KCNIP4: variants seen among roughly 807,000 people sequenced by gnomAD.
KCNIP4 encodes Kv channel-interacting protein 4.
In KCNIP4, 12 loss-of-function variants were observed where a neutral mutation model predicts 34.0. The ratio of observed to expected loss-of-function variants is 0.35; its 90% confidence interval spans 0.23 to 0.57. The LOEUF is 0.57. KCNIP4 is among the 20% of genes least tolerant of loss of function. The probability of loss-of-function intolerance (pLI) is 0.83; values close to 1 mark genes in which losing one functional copy is unlikely to be tolerated. For missense variants in KCNIP4, 238 were observed against 311.7 expected (o/e 0.76, Z 1.78); for synonymous variants, 124 against 102.2 (o/e 1.21, Z -1.29).
At chr4:21,028,151 A>G (rs1386985814) in intron 1 of KCNIP4, among the ~76,000 whole-genome samples, 1 of 151,812 alleles carries the variant, frequency 6.6e-6, no homozygotes, top group East Asian at 1.9e-4. Flanking sequence ...CATATCCAGA[A>G]CCTCACCATC....
intron 1 of KCNIP4, among the ~76,000 whole-genome samples, chr4:21,395,382 TTGTC>T (rs1205062951): frequency 6.6e-6 from 1 of 152,142 alleles, no homozygotes; most frequent in East Asian, 1.9e-4. Flanking sequence ...AAAAATCTAT[TTGTC>T]TTTCCTAAAT....
At chr4:20,905,475 T>C (rs1328102321) in intron 1 of KCNIP4, among the ~76,000 whole-genome samples, 1 of 150,556 alleles carries the variant, frequency 6.6e-6, no homozygotes, top group Non-Finnish European at 1.5e-5. Flanking sequence ...ATTATTGGTA[T>C]TTAATATTAC....
At chr4:21,721,611 T>A (rs116019458) in intron 1 of KCNIP4, among the ~76,000 whole-genome samples, 1 of 152,158 alleles carries the variant, frequency 6.6e-6, no homozygotes. Flanking sequence ...TATATCAGAG[T>A]TGAAGTTCTT....
intron 1 of KCNIP4, among the ~76,000 whole-genome samples, chr4:21,430,301 G>A (rs1577348015): frequency 6.6e-6 from 1 of 151,884 alleles, no homozygotes; most frequent in African/African-American, 2.4e-5. Flanking sequence ...AGTGATAACG[G>A]CTTTTACAAA....
At chr4:21,947,132 C>T (rs918255762) in intron 1 of KCNIP4, among the ~76,000 whole-genome samples, 5 of 152,148 alleles carry the variant, frequency 3.3e-5, no homozygotes, top group African/African-American at 1.2e-4. Context: ...AATAGGACAG[C>T]GCTAGCCCTC....
chr4:21,784,738 A>C (rs965755722), intron 1 of KCNIP4, among the ~76,000 whole-genome samples: 1 of 152,234 alleles, frequency 6.6e-6, no homozygotes, highest in Non-Finnish European at 1.5e-5. Flanking sequence ...AGAATTTACC[A>C]TCAAAGAGTA....
At chr4:20,779,075 AG>A (rs1240026960) in intron 3 of KCNIP4, among the ~76,000 whole-genome samples, 2 of 152,188 alleles carry the variant, frequency 1.3e-5, no homozygotes, top group Non-Finnish European at 2.9e-5. Flanking sequence ...TGAAAACACT[AG>A]GGAAATGGAA....
chr4:21,189,198 T>C (rs1206297319), intron 1 of KCNIP4, among the ~76,000 whole-genome samples: 3 of 152,226 alleles, frequency 2.0e-5, no homozygotes, highest in African/African-American at 4.8e-5. Flanking sequence ...GATTACTGTA[T>C]AGTGGATACA....
chr4:21,647,436 G>T (rs1425484179), intron 1 of KCNIP4, among the ~76,000 whole-genome samples: 4 of 152,058 alleles, frequency 2.6e-5, no homozygotes, highest in African/African-American at 9.7e-5. Flanking sequence ...GAAGGCAGGG[G>T]TGGGCACTGG....
At chr4:21,653,353 T>C (rs1021861) in intron 1 of KCNIP4, among the ~76,000 whole-genome samples, 51,061 of 152,004 alleles carry the variant, frequency 0.34, 10,257 homozygotes, top group East Asian at 0.91. Flanking sequence ...ACAGATCCTG[T>C]TTCACAGGAT....
chr4:20,785,588 A>C (rs1263171882), intron 3 of KCNIP4, among the ~76,000 whole-genome samples: 1 of 152,140 alleles, frequency 6.6e-6, no homozygotes, highest in African/African-American at 2.4e-5. Context: ...TTCTAAGATC[A>C]GTGATGCTAT....
rs34394636 is a variant in KCNIP4, at chr4:21,204,177, A to ATT, written c.62-321470_62-321469dup. 8.7e-3 allele frequency among the ~76,000 whole-genome samples: 1,309 copies of ATT among 150,434 alleles called. 9 individuals carry two copies. The highest frequency in any genetic ancestry group is 0.012 in the Non-Finnish European group (826 of 67,558). ...ATTTTGTATTTCCTCCACTCTTCCTATTTTTTTTTAAGAGTTCTCTCTCTT... is the reference window on the plus strand; with the variant it reads ...ATTTTGTATTTCCTCCACTCTTCCTATTTTTTTTTTTAAGAGTTCTCTCTCTT... On this transcript the variant is annotated intron_variant, in intron 1 of 8. Coordinates refer to ENST00000382152, the MANE Select transcript of KCNIP4 (RefSeq NM_025221.6).
At chr4:20,880,256 A>T (rs778722675) in intron 2 of KCNIP4, among the ~76,000 whole-genome samples, 5 of 152,034 alleles carry the variant, frequency 3.3e-5, no homozygotes, top group African/African-American at 1.2e-4. Context: ...CTTTCTTTGC[A>T]CTTTCCAAAT....
chr4:21,799,707 C>G (rs1720869928), intron 1 of KCNIP4, among the ~76,000 whole-genome samples: 1 of 152,152 alleles, frequency 6.6e-6, no homozygotes, highest in South Asian at 2.1e-4. Context: ...TGAAGACACA[C>G]TTCTGAACTC....
At chr4:21,862,242 A>G (rs946700156) in intron 1 of KCNIP4, among the ~76,000 whole-genome samples, 1 of 152,176 alleles carries the variant, frequency 6.6e-6, no homozygotes, top group Admixed American at 6.5e-5. Context: ...CTATCTAGTT[A>G]GCATGCTTAG....
At chr4:21,746,341 T>C (rs1716773565) in intron 1 of KCNIP4, among the ~76,000 whole-genome samples, 1 of 152,150 alleles carries the variant, frequency 6.6e-6, no homozygotes, top group South Asian at 2.1e-4. Flanking sequence ...ATAAAAATAT[T>C]ACATTTGCTA....
chr4:21,651,331 G>C (rs946518403), intron 1 of KCNIP4, among the ~76,000 whole-genome samples: 4 of 152,176 alleles, frequency 2.6e-5, no homozygotes, highest in African/African-American at 9.7e-5. Flanking sequence ...GCTGGACAGA[G>C]AAGGCAAGGA....
chr4:20,795,816 C>T (rs1713373945), intron 3 of KCNIP4, among the ~76,000 whole-genome samples: 1 of 152,170 alleles, frequency 6.6e-6, no homozygotes, highest in South Asian at 2.1e-4. Context: ...ATATATCTTA[C>T]TAATTTTTCA....
intron 1 of KCNIP4, among the ~76,000 whole-genome samples, chr4:20,901,372 G>A (rs973349749): frequency 5.3e-5 from 8 of 152,182 alleles, no homozygotes; most frequent in African/African-American, 1.9e-4. Flanking sequence ...TCACCCGGTA[G>A]CTTGTTAGCA....
Sources: allele counts gnomAD v4.1 joint callset (sites outside exome capture counted in the v4.1 genomes callset), GRCh38; gene constraint gnomAD v4.1.1; transcripts MANE v1.5; gene names NCBI Gene and HGNC (gene_info 2026-07-23, HGNC 2026-07-21).